The following MYL4 variants were observed in gnomAD, a reference collection of about 807,000 sequenced individuals.
MYL4 encodes the protein atrial myosin light chain 1.
In MYL4, 16 loss-of-function variants were observed where a neutral mutation model predicts 21.6. The ratio of observed to expected loss-of-function variants is 0.74; its 90% CI spans 0.50 to 1.12. The LOEUF is 1.12. MYL4 is among the 50% of genes most tolerant of loss of function. The probability of loss-of-function intolerance (pLI) is 0.00; values close to 1 mark genes in which losing one functional copy is unlikely to be tolerated. For synonymous variants in MYL4, 82 were observed against 95.7 expected (o/e 0.86, Z 0.83); for missense variants, 249 against 252.9 (o/e 0.98, Z 0.11).
chr17:47,211,518 G>A (rs529036487), intron 1 of MYL4, among the ~76,000 whole-genome samples: 2 of 152,256 alleles, frequency 1.3e-5, no homozygotes, highest in South Asian at 2.1e-4. Context: ...GTTTATTCCT[G>A]GTTCTTAAAG....
downstream of MYL4, among the ~76,000 whole-genome samples, chr17:47,226,310 G>A (rs1375044952): frequency 6.6e-6 from 1 of 152,220 alleles, no homozygotes; most frequent in African/African-American, 2.4e-5. Context: ...TATTTTCTCT[G>A]GGAGAAGGGC....
intron 2 of MYL4, among the ~76,000 whole-genome samples, chr17:47,216,020 C>T (rs1168965343): frequency 3.9e-5 from 6 of 151,932 alleles, no homozygotes; most frequent in Non-Finnish European, 5.9e-5. Context: ...CTCAAGCAAT[C>T]CTCCCACCTT....
chr17:47,222,647 A>T (rs374686761), intron 5 of MYL4, among the ~76,000 whole-genome samples, 190 bp downstream of exon 5: 1 of 152,006 alleles, frequency 6.6e-6, no homozygotes, highest in East Asian at 1.9e-4. Context: ...GATTTTGGAG[A>T]TAGCTCTGTG....
intron 1 of MYL4, among the ~76,000 whole-genome samples, chr17:47,212,814 GATGAACAACTTAGT>G (rs559188320): frequency 1.3e-5 from 2 of 152,322 alleles, no homozygotes; most frequent in African/African-American, 4.8e-5. Context: ...TGGAAAATCA[GATGAACAACTTAGT>G]TTCAGCTTGG....
intron 1 of MYL4, 49 bp downstream of exon 1, chr17:47,209,606 T>G (rs751973327): frequency 6.2e-7 from 1 of 1,613,872 alleles, no homozygotes; most frequent in Non-Finnish European, 8.5e-7. Context: ...ACATTGAGAG[T>G]CCTTTTGCTC....
downstream of MYL4, among the ~76,000 whole-genome samples, chr17:47,224,235 G>T (rs1193063387): frequency 2.0e-5 from 3 of 152,148 alleles, no homozygotes; most frequent in Non-Finnish European, 4.4e-5. Context: ...GGCTGGGGAG[G>T]CCTCACAATC....
downstream of MYL4, among the ~76,000 whole-genome samples, chr17:47,227,037 G>A (rs2064888208): frequency 6.6e-6 from 1 of 152,164 alleles, no homozygotes; most frequent in African/African-American, 2.4e-5. Flanking sequence ...TGTATTTTTA[G>A]TAGAGATGGG....
intron 2 of MYL4, 135 bp from the exon 3 acceptor site, chr17:47,219,769 T>C (rs2064840725): frequency 1.5e-5 from 17 of 1,123,782 alleles, no homozygotes; most frequent in Non-Finnish European, 2.2e-5. Flanking sequence ...CGGCCTGGGA[T>C]AATGGACAAA....
intron 4 of MYL4, among the ~76,000 whole-genome samples, chr17:47,222,065 G>A (rs189341239): frequency 2.6e-5 from 4 of 152,272 alleles, no homozygotes; most frequent in Admixed American, 2.6e-4. Flanking sequence ...GTTTGGGAGA[G>A]GAGGGGAGAG....
chr17:47,214,021 C>A (rs552779057), intron 2 of MYL4, 195 bp downstream of exon 2: 1 of 595,562 alleles, frequency 1.7e-6, no homozygotes, highest in South Asian at 2.0e-5. Flanking sequence ...TCCTTTAATT[C>A]TCATAACAAC....
downstream of MYL4, among the ~76,000 whole-genome samples, chr17:47,225,868 T>C (rs991654641): frequency 6.8e-6 from 1 of 147,900 alleles, no homozygotes; most frequent in Non-Finnish European, 1.5e-5. Context: ...TTTTTTTTTT[T>C]TTTTTTTGGT....
At chr17:47,214,718 C>A (rs563726538) in intron 2 of MYL4, among the ~76,000 whole-genome samples, 43 of 152,266 alleles carry the variant, frequency 2.8e-4, no homozygotes, top group African/African-American at 9.9e-4. Flanking sequence ...GTTTATGTAT[C>A]CTTTCAGAAA....
At chr17:47,213,982 A>G in intron 2 of MYL4, 156 bp downstream of exon 2, 2 of 873,948 alleles carry the variant, frequency 2.3e-6, no homozygotes, top group East Asian at 4.9e-5. Context: ...TGTGTCAGGC[A>G]TAGTCCTAGG....
At chr17:47,194,627 T>C in the MYL4 span, among the ~76,000 whole-genome samples, 2 of 152,204 alleles carry the variant, frequency 1.3e-5, no homozygotes, top group Admixed American at 6.5e-5. Flanking sequence ...AAAATAAGTC[T>C]GATCATGTTA....
chr17:47,207,711 T>C (rs1435719789), upstream of MYL4, among the ~76,000 whole-genome samples: 1 of 152,250 alleles, frequency 6.6e-6, no homozygotes. Flanking sequence ...TTTTGTGTAG[T>C]GGATACATAA....
chr17:47,193,331 T>C, the MYL4 span, among the ~76,000 whole-genome samples: 2 of 151,398 alleles, frequency 1.3e-5, no homozygotes, highest in African/African-American at 2.4e-5. Context: ...GCAATGGCGC[T>C]ATCTCGGCTC....
upstream of MYL4, among the ~76,000 whole-genome samples, chr17:47,196,618 A>T (rs2064690012): frequency 6.6e-6 from 1 of 152,172 alleles, no homozygotes; most frequent in African/African-American, 2.4e-5. Flanking sequence ...CTCTTTGACC[A>T]GTGAAATTCT....
the MYL4 span, among the ~76,000 whole-genome samples, chr17:47,194,493 G>A: frequency 6.6e-6 from 1 of 152,314 alleles, no homozygotes; most frequent in Non-Finnish European, 1.5e-5. Context: ...TTATGCCAAA[G>A]TGGCATATAT....
chr17:47,202,128 G>A (rs972954970), intron 1 of MYL4, among the ~76,000 whole-genome samples: 2 of 152,064 alleles, frequency 1.3e-5, no homozygotes, highest in African/African-American at 4.8e-5. Context: ...TGGGATTACA[G>A]GCACGTGCCA....
Sources: gnomAD v4.1 joint callset for allele counts (sites outside exome capture counted in the v4.1 genomes callset) on GRCh38, gnomAD v4.1.1 for gene constraint, MANE v1.5 for transcripts, NCBI Gene and HGNC (gene_info 2026-07-23, HGNC 2026-07-21) for gene names.